Variants in IGFN1 observed in about 807,000 individuals in gnomAD.
IGFN1 encodes immunoglobulin like and fibronectin type III domain containing 1, also known as immunoglobulin-like and fibronectin type III domain-containing protein 1.
A neutral mutation model predicts 289.5 loss-of-function variants in IGFN1; 253 were observed. The observed-to-expected ratio is 0.87, with a 90% CI of 0.79 to 0.97. The LOEUF (loss-of-function observed/expected upper bound fraction) is 0.97, where lower values mean the gene tolerates loss of function less well. Among genes scored for constraint, IGFN1 ranks in the 50% least tolerant of loss-of-function variants. The probability of loss-of-function intolerance (pLI) is 0.00; values close to 1 mark genes in which losing one functional copy is unlikely to be tolerated. For missense variants in IGFN1, 4,470 were observed against 4,686.1 expected, an observed-to-expected ratio of 0.95 and a Z score of 1.35; for synonymous variants, 1,706 against 1,788.5, an observed-to-expected ratio of 0.95 and a Z score of 1.16.
intron 5 of IGFN1, among the ~76,000 whole-genome samples, chr1:201,198,478 G>T (rs1202960205): frequency 6.6e-6 from 1 of 151,856 alleles, no homozygotes; most frequent in Non-Finnish European, 1.5e-5. Flanking sequence ...AGGCTGGAGT[G>T]CAGTGGTGTG....
At chr1:201,217,505 G>C in intron 17 of IGFN1, 45 bp downstream of exon 17, 3 of 1,596,186 alleles carry the variant, frequency 1.9e-6, no homozygotes, top group Non-Finnish European at 1.7e-6. Flanking sequence ...ACCCCTCCTG[G>C]CTCCAGGATC....
chr1:201,212,938 CG>C lies in IGFN1; in HGVS notation c.8047del (p.Ala2683LeufsTer59). On this transcript the variant is annotated frameshift_variant, in exon 12 of 24. Coordinates refer to ENST00000335211, the MANE Select transcript of IGFN1 (RefSeq NM_001164586.2). LOFTEE classifies it high-confidence loss of function. Reference sequence around the variant, plus strand: ...GGGGAGGGTGCACCAGGCCAAGAGGCGGCTGGTGGATGCCGAAGCCCATGGT... The same window carrying C: ...GGGGAGGGTGCACCAGGCCAAGAGGCGCTGGTGGATGCCGAAGCCCATGGT... ...KGGEGAPGQEAAGGCRSPWSL... is the reference protein window; with the variant it reads ...KGGEGAPGQEXAGGCRSPWSL... The C allele has an allele frequency of 6.4e-7, 1 of 1,551,464 alleles. No homozygotes were observed. Among genetic ancestry groups the C allele is most frequent in the Non-Finnish European group, 8.7e-7 (1 of 1,146,930 alleles).
rs1200911443 is a variant in IGFN1, at chr1:201,225,828, C to T, written c.10491C>T (p.Cys3497=). 2 of 1,610,276 alleles carry T rather than the reference C, an allele frequency of 1.2e-6. No individual in the cohort carries two copies. Among genetic ancestry groups the T allele is most frequent in the Non-Finnish European group, 1.7e-6 (2 of 1,178,894 alleles). Residue 3497 remains cysteine (C), a synonymous_variant, in exon 22 of 24, where the codon TGC becomes TGT. Coordinates refer to ENST00000335211, the MANE Select transcript of IGFN1 (RefSeq NM_001164586.2). ...CCTCTGCCGTCTCTCCTGAAGCATGCCCGCAGGCCCCTGGGCCCATCCACC... is the reference window on the plus strand; with the variant it reads ...CCTCTGCCGTCTCTCCTGAAGCATGTCCGCAGGCCCCTGGGCCCATCCACC... ...AHSFRIRVAA[C]PQAPGPIHLQ...
Position 201,211,850 on chromosome 1 carries a change from G to A in IGFN1, c.6957G>A (p.Glu2319=), listed in dbSNP as rs765616826. 1.3e-5 allele frequency: 20 copies of A among 1,536,010 alleles called. No individual in the cohort carries two copies. The highest frequency in any genetic ancestry group is 1.7e-5 in the Non-Finnish European group (20 of 1,146,308). ...CTGGGTACATTTTGTCATGGAATGAGGCAGGTTCTAGGCAAGGCTTTGGGG... is the reference window on the plus strand; with the variant it reads ...CTGGGTACATTTTGTCATGGAATGAAGCAGGTTCTAGGCAAGGCTTTGGGG... ...EDSGYILSWN[E]AGSRQGFGGT... is the part of the protein sequence containing the mutation. Residue 2319 remains glutamate (E), a synonymous_variant, in exon 12 of 24, where the codon GAG becomes GAA. Coordinates refer to ENST00000335211, the MANE Select transcript of IGFN1 (RefSeq NM_001164586.2).
At chr1:201,199,403 C>T in intron 6 of IGFN1, 25 bp downstream of exon 6, 1 of 1,549,848 alleles carries the variant, frequency 6.5e-7, no homozygotes. Context: ...CAGAAACCTC[C>T]TTGGGGGCCT....
Position 201,224,690 on chromosome 1 carries a change from G to A in IGFN1, c.10302G>A (p.Met3434Ile), listed in dbSNP as rs1653963576. ...RVPVSFEAMP[M>I]PEVTWLKDGL... Reference sequence around the variant, plus strand: ...CTCTCCTTTCTCAGGCCATGCCCATGCCTGAGGTGACCTGGCTGAAGGATG... The same window carrying A: ...CTCTCCTTTCTCAGGCCATGCCCATACCTGAGGTGACCTGGCTGAAGGATG... The change falls in exon 21 of 24, where the codon ATG becomes ATA. Residue 3434 changes from methionine (M) to isoleucine (I), a missense_variant. By Grantham distance (10) the Met-to-Ile change is conservative. Around this residue, in one of 8 missense-constraint regions of IGFN1, gnomAD observed 2,218 missense variants for 2,114.1 expected, o/e 1.05. Transcript: ENST00000335211. The A allele has an allele frequency of 6.2e-7, 1 of 1,614,060 alleles. No individual in the cohort carries two copies.
At position 201,206,374 on chromosome 1, in the gene IGFN1, TAGCAGAGGGA is replaced by T. The variant is rs1667422313; in HGVS notation, c.1489_1498del (p.Gly497ProfsTer119). ...GGACAGGAGGGCGAGGGCTTTCCAGTAGCAGAGGGAAGCAGAGCCACTCTTCCCAGGGAAA... is the reference window on the plus strand; with the variant it reads ...GGACAGGAGGGCGAGGGCTTTCCAGTAGCAGAGCCACTCTTCCCAGGGAAA... On this transcript the variant is annotated frameshift_variant, in exon 12 of 24. Transcript: ENST00000335211. LOFTEE classifies it high-confidence loss of function. 1 of 1,550,390 alleles carries T rather than the reference TAGCAGAGGGA, an allele frequency of 6.4e-7. No individual in the cohort carries two copies. The highest frequency in any genetic ancestry group is 8.7e-7 in the Non-Finnish European group (1 of 1,146,928).
intron 22 of IGFN1, 53 bp downstream of exon 22, chr1:201,226,176 A>G (rs1327419203): frequency 2.7e-6 from 4 of 1,478,472 alleles, no homozygotes; most frequent in East Asian, 4.8e-5. Flanking sequence ...GCGCTCTGCA[A>G]TGCAGTGGGA....
At position 201,194,350 on chromosome 1, in the gene IGFN1, C is replaced by G. The variant is rs1029659470; in HGVS notation, c.127+77C>G. Reference sequence around the variant, plus strand: ...CTCCCAGGGGAGAGGGCTGGGGCACCAACCTTCCTGGGGACCCAGGCCCTA... The same window carrying G: ...CTCCCAGGGGAGAGGGCTGGGGCACGAACCTTCCTGGGGACCCAGGCCCTA... On this transcript the variant is annotated intron_variant, in intron 3 of 23. Coordinates refer to ENST00000335211, the MANE Select transcript of IGFN1 (RefSeq NM_001164586.2). The G allele has an allele frequency of 6.0e-6, 9 of 1,501,232 alleles. No homozygotes were observed. In the South Asian group the frequency reaches 8.8e-5, roughly 15 times the overall value. The allele number at this position is 1,501,232 out of a possible 1,614,324, so 93.0% of individuals were successfully genotyped here.
intron 15 of IGFN1, chr1:201,216,253 G>A: frequency 3.3e-6 from 2 of 601,242 alleles, no homozygotes; most frequent in Non-Finnish European, 5.9e-6. Flanking sequence ...GTGTGTTGGG[G>A]GTGGAGACAT....
chr1:201,207,861 G>C lies in IGFN1; in HGVS notation c.2968G>C (p.Gly990Arg). The C allele has an allele frequency of 6.5e-7, 1 of 1,536,292 alleles. No homozygotes were observed. Among genetic ancestry groups the C allele is most frequent in the Non-Finnish European group, 8.7e-7 (1 of 1,146,364 alleles). The change falls in exon 12 of 24, where the codon GGT (glycine) becomes CGT (arginine). Residue 990 changes from glycine to arginine, a missense_variant. Gly to Arg is a moderately radical substitution (Grantham distance 125, BLOSUM62 -2). Around this residue, in one of 8 missense-constraint regions of IGFN1, gnomAD observed 2,011 missense variants for 1,953.4 expected, o/e 1.03. Transcript: ENST00000335211. ...PGEMGSGHGA[G>R]CRVSPRAPAG... ...AGAAATGGGGTCCGGCCATGGTGCTGGTTGTAGAGTTTCCCCTAGGGCACC... is the reference window on the plus strand; with the variant it reads ...AGAAATGGGGTCCGGCCATGGTGCTCGTTGTAGAGTTTCCCCTAGGGCACC...
chr1:201,216,889 G>T, intron 16 of IGFN1, 136 bp downstream of exon 16: 1 of 684,196 alleles, frequency 1.5e-6, no homozygotes, highest in Non-Finnish European at 2.4e-6. Flanking sequence ...TAGCACTCTG[G>T]AGACTCCTTC....
intron 9 of IGFN1, among the ~76,000 whole-genome samples, chr1:201,203,037 T>C (rs1667233760): frequency 6.6e-6 from 1 of 152,180 alleles, no homozygotes; most frequent in African/African-American, 2.4e-5. Context: ...ATTACATGCA[T>C]GAGCCATCAC....
chr1:201,194,993 C>A (rs1666834925), intron 3 of IGFN1, among the ~76,000 whole-genome samples: 1 of 152,074 alleles, frequency 6.6e-6, no homozygotes. Context: ...CGGGCAGTTC[C>A]CAGGCCTCCA....
In IGFN1 at chr1:201,211,585, G is replaced by A. The variant is rs1382176822; in HGVS notation, c.6692G>A (p.Gly2231Asp). ...PKGMGSGSKA[G>D]FRDGLGSSGE... ...GGAATGGGTTCAGGGAGTAAGGCAG[G>A]TTTCAGGGATGGTTTAGGGAGTTCT... Residue 2231 changes from glycine (G) to aspartate (D), a missense_variant, in exon 12 of 24, where the codon GGT becomes GAT. Gly to Asp is a moderately conservative substitution (Grantham distance 94). Around this residue, in one of 8 missense-constraint regions of IGFN1, gnomAD observed 2,218 missense variants for 2,114.1 expected, o/e 1.05. Coordinates refer to ENST00000335211, the MANE Select transcript of IGFN1 (RefSeq NM_001164586.2). 2.6e-6 allele frequency: 4 copies of A among 1,534,600 alleles called. No homozygotes were observed. The highest frequency in any genetic ancestry group is 3.5e-6 in the Non-Finnish European group (4 of 1,145,940).
rs1020088835 is a variant in IGFN1 at position 201,215,719 on chromosome 1, G to A, written c.9176G>A (p.Gly3059Glu). The change falls in exon 15 of 24, where the codon GGG (glycine) becomes GAG (glutamate). Residue 3059 changes from glycine (G) to glutamate (E), a missense_variant. Transcript: ENST00000335211. ...GACAGGGAGGCCCAGGTGGACCTGG[G>A]GGATGGCTACACGCGGCTGTGCCTC... is the stretch of plus-strand genomic sequence containing the variant. ...SSDREAQVDL[G>E]DGYTRLCLPS... The A allele has an allele frequency of 6.2e-7, 1 of 1,612,948 alleles. No individual in the cohort carries two copies. Among genetic ancestry groups the A allele is most frequent in the African/African-American group, 1.3e-5 (1 of 74,902 alleles).
chr1:201,195,111 C>G (rs6690367), intron 3 of IGFN1, among the ~76,000 whole-genome samples: 55,175 of 151,848 alleles, frequency 0.36, 10,471 homozygotes, highest in East Asian at 0.48. Context: ...GATTCCTCCT[C>G]CCCCTAGAGA....
chr1:201,197,190 T>C, intron 4 of IGFN1, 28 bp from the exon 5 acceptor site: 3 of 1,418,994 alleles, frequency 2.1e-6, no homozygotes, highest in Non-Finnish European at 2.9e-6. Flanking sequence ...GTGGTAGCCC[T>C]GTTCCTCTGC....
At chr1:201,202,393 C>T (rs765750469) in intron 9 of IGFN1, among the ~76,000 whole-genome samples, 101 of 152,292 alleles carry the variant, frequency 6.6e-4, no homozygotes, top group Middle Eastern at 3.4e-3. Context: ...TGTACTGCAG[C>T]GCTAAATGAC....
Sources: gnomAD v4.1 joint callset for allele counts (sites outside exome capture counted in the v4.1 genomes callset) on GRCh38, gnomAD v4.1.1 for gene constraint, gnomAD v4.1.1 regional missense constraint, MANE v1.5 for transcripts, NCBI Gene and HGNC (gene_info 2026-07-23, HGNC 2026-07-21) for gene names.